RALGAPB: variants seen among roughly 807,000 people sequenced by gnomAD.
RALGAPB encodes the protein Ral GTPase activating protein non-catalytic subunit beta.
Under a neutral mutation model 161.1 loss-of-function variants are expected in RALGAPB, and 25 were observed. The observed-to-expected ratio is 0.16, with a 90% CI of 0.11 to 0.22. The LOEUF is 0.22. Among genes scored for constraint, RALGAPB ranks in the 10% least tolerant of loss-of-function variants. RALGAPB has a pLI of 1.00. For missense variants in RALGAPB, 1,391 were observed against 1,815.2 expected, an observed-to-expected ratio of 0.77 and a Z score of 4.25; for synonymous variants, 629 against 626.1, an observed-to-expected ratio of 1.00 and a Z score of -0.07.
At chr20:38,553,510 G>A (rs2087454291) in intron 21 of RALGAPB, among the ~76,000 whole-genome samples, 1 of 151,988 alleles carries the variant, frequency 6.6e-6, no homozygotes, top group Non-Finnish European at 1.5e-5. Flanking sequence ...GAAGGTATAG[G>A]GAAGTTTTTT....
At chr20:38,535,033 T>C (rs993108092) in intron 15 of RALGAPB, 41 bp from the exon 16 acceptor site, 3 of 1,602,464 alleles carry the variant, frequency 1.9e-6, no homozygotes, top group Non-Finnish European at 2.6e-6. Context: ...GCTTAGTTGT[T>C]TTCCCTCCCT....
chr20:38,557,571 T>C (rs891456194), intron 22 of RALGAPB, among the ~76,000 whole-genome samples: 5 of 152,240 alleles, frequency 3.3e-5, no homozygotes, highest in African/African-American at 7.2e-5. Context: ...TGTTTCTCTA[T>C]AGTTTTACCT....
At chr20:38,527,188 C>G (rs575799345) in intron 13 of RALGAPB, among the ~76,000 whole-genome samples, 3 of 152,306 alleles carry the variant, frequency 2.0e-5, no homozygotes, top group South Asian at 2.1e-4. Flanking sequence ...TCAGCTTCTT[C>G]CTAGCATCTT....
chr20:38,513,284 C>T (rs1247816193), intron 6 of RALGAPB, among the ~76,000 whole-genome samples: 2 of 148,772 alleles, frequency 1.3e-5, no homozygotes, highest in East Asian at 4.0e-4. Context: ...TGGGCGGATC[C>T]CTTGAAGTCA....
At chr20:38,550,194 A>C (rs552738069) in intron 20 of RALGAPB, among the ~76,000 whole-genome samples, 2 of 152,354 alleles carry the variant, frequency 1.3e-5, no homozygotes, top group African/African-American at 4.8e-5. Context: ...ACCTAATGCT[A>C]GATGACGAGT....
chr20:38,574,419 G>T (rs1296169984), intron 29 of RALGAPB, 121 bp downstream of exon 29: 1 of 1,146,934 alleles, frequency 8.7e-7, no homozygotes, highest in East Asian at 2.5e-5. Flanking sequence ...GTAGGAAATG[G>T]TATGGCTCTT....
At position 38,532,601 on chromosome 20, in the gene RALGAPB, C is replaced by A. The variant is rs542237877; in HGVS notation, c.2116-129C>A. On this transcript the variant is annotated intron_variant, in intron 14 of 29. Transcript: ENST00000262879. ...AGTGGTTTTAATCCCTTGTCAATTT[C>A]TGTTACTATCAGTTTGTACTATTCA... The A allele has an allele frequency of 7.2e-5, 80 of 1,106,028 alleles. No individual in the cohort carries two copies. In the African/African-American group the frequency reaches 1.1e-3, roughly 15 times the overall value. The allele number at this position is 1,106,028 out of a possible 1,614,324, so 68.5% of individuals were successfully genotyped here.
chr20:38,481,038 A>G (rs1449480373), intron 1 of RALGAPB, among the ~76,000 whole-genome samples: 1 of 151,956 alleles, frequency 6.6e-6, no homozygotes, highest in Non-Finnish European at 1.5e-5. Flanking sequence ...ACCCGGCCTC[A>G]TCTGCCCCTT....
chr20:38,535,461 T>C (rs1164335421), intron 16 of RALGAPB, among the ~76,000 whole-genome samples: 1 of 152,202 alleles, frequency 6.6e-6, no homozygotes, highest in African/African-American at 2.4e-5. Context: ...ATACTTGCCA[T>C]TTATTTATTT....
intron 23 of RALGAPB, 101 bp from the exon 24 acceptor site, chr20:38,562,431 G>C (rs2087816471): frequency 4.0e-6 from 4 of 999,676 alleles, no homozygotes; most frequent in Non-Finnish European, 5.7e-6. Flanking sequence ...GCTTGGACAT[G>C]ATTTGTCAGA....
At chr20:38,521,125 GT>G (rs2086277134) in intron 9 of RALGAPB, among the ~76,000 whole-genome samples, 1 of 152,010 alleles carries the variant, frequency 6.6e-6, no homozygotes, top group Non-Finnish European at 1.5e-5. Flanking sequence ...TTTTCTTAAC[GT>G]TTAAGCATCA....
chr20:38,502,916 A>AT (rs896921623), intron 5 of RALGAPB, among the ~76,000 whole-genome samples: 42 of 151,868 alleles, frequency 2.8e-4, no homozygotes, highest in Admixed American at 6.6e-5. Context: ...CTTTTTTATG[A>AT]TTTTTTTTAA....
At chr20:38,525,754 TAGTGACAGATTCAGCAC>T (rs1220467492) in intron 12 of RALGAPB, 124 bp from the exon 13 acceptor site, 11 of 893,596 alleles carry the variant, frequency 1.2e-5, no homozygotes, top group Non-Finnish European at 1.2e-5. Context: ...AACATATTGT[TAGTGACAGATTCAGCAC>T]AGTGGCTAAT....
intron 21 of RALGAPB, among the ~76,000 whole-genome samples, chr20:38,553,448 A>G (rs1408353492): frequency 6.6e-6 from 1 of 152,064 alleles, no homozygotes; most frequent in East Asian, 1.9e-4. Context: ...TTTGAAGGGA[A>G]CCAGAGACTG....
chr20:38,479,074 T>A (rs963929372), intron 1 of RALGAPB, among the ~76,000 whole-genome samples: 1 of 152,212 alleles, frequency 6.6e-6, no homozygotes, highest in Non-Finnish European at 1.5e-5. Context: ...TTTGTTGTAT[T>A]ATGCTGCTGT....
intron 16 of RALGAPB, among the ~76,000 whole-genome samples, chr20:38,539,196 A>G (rs139764984): frequency 7.2e-5 from 11 of 152,330 alleles, no homozygotes; most frequent in African/African-American, 2.6e-4. Context: ...AGAAAATGCA[A>G]GCTAATCTAT....
rs1568994527 is a variant in RALGAPB, at chr20:38,576,552, CTCTT to C, written c.*1589_*1592del. On this transcript the variant is annotated 3_prime_UTR_variant, in exon 30 of 30. Coordinates refer to ENST00000262879, the MANE Select transcript of RALGAPB (RefSeq NM_020336.4). ...TTTAAGCTCAGGTAAAGATAACCTC[CTCTT>C]TCTATGACTCCAGTTTCCATTCAGG... The C allele has an allele frequency of 1.3e-5, 2 of 152,218 alleles. No individual in the cohort carries two copies. The highest frequency in any genetic ancestry group is 2.9e-5 in the Non-Finnish European group (2 of 68,038). 9.4% of individuals were successfully genotyped at this position (152,218 alleles called of 1,614,324 possible).
intron 5 of RALGAPB, among the ~76,000 whole-genome samples, chr20:38,507,917 C>T: frequency 6.6e-6 from 1 of 151,792 alleles, no homozygotes; most frequent in South Asian, 2.1e-4. Context: ...AATATTATCT[C>T]TAGGTAGAGA....
At chr20:38,494,160 C>T (rs1488316714) in intron 3 of RALGAPB, among the ~76,000 whole-genome samples, 1 of 152,194 alleles carries the variant, frequency 6.6e-6, no homozygotes, top group East Asian at 1.9e-4. Context: ...TATTGCTTAT[C>T]TTTTAAAATG....
Sources: gnomAD v4.1 joint callset for allele counts (sites outside exome capture counted in the v4.1 genomes callset) on GRCh38, gnomAD v4.1.1 for gene constraint, MANE v1.5 for transcripts, NCBI Gene and HGNC (gene_info 2026-07-23, HGNC 2026-07-21) for gene names.